The following KIF16B variants were observed in gnomAD, a reference collection of about 807,000 sequenced individuals.
KIF16B encodes the protein kinesin-like protein KIF16B.
In KIF16B, 98 loss-of-function variants were observed where a neutral mutation model predicts 156.3. That is an observed-to-expected ratio of 0.63 (90% CI 0.53 to 0.74). KIF16B has a LOEUF of 0.74. Ranked by LOEUF, KIF16B falls within the 30% of genes least tolerant of loss-of-function variation. The pLI, the probability that KIF16B is intolerant of heterozygous loss-of-function variation, is 0.00. For synonymous variants in KIF16B, 564 were observed against 583.7 expected (o/e 0.97, Z 0.49); for missense variants, 1,421 against 1,606.5 (o/e 0.88, Z 1.97).
chr20:16,278,160 G>A (rs954742082), intron 25 of KIF16B, among the ~76,000 whole-genome samples: 9 of 152,180 alleles, frequency 5.9e-5, no homozygotes, highest in Non-Finnish European at 8.8e-5. Context: ...AGTGATCATG[G>A]GAAAGAGAAG....
intron 12 of KIF16B, among the ~76,000 whole-genome samples, chr20:16,469,070 T>C (rs949576839): frequency 2.0e-5 from 3 of 151,956 alleles, no homozygotes; most frequent in African/African-American, 7.2e-5. Context: ...CTGGGCAACA[T>C]AGTGTGACCC....
intron 23 of KIF16B, among the ~76,000 whole-genome samples, chr20:16,344,187 A>ATATTCCAAATG (rs2064189593): frequency 6.6e-6 from 1 of 152,238 alleles, no homozygotes; most frequent in African/African-American, 2.4e-5. Flanking sequence ...ATGAATCTGT[A>ATATTCCAAATG]TAGTAACAAG....
intron 25 of KIF16B, among the ~76,000 whole-genome samples, chr20:16,310,591 A>C (rs1170002695): frequency 6.6e-6 from 1 of 152,150 alleles, no homozygotes; most frequent in Admixed American, 6.5e-5. Context: ...ATCATTCTCC[A>C]TGTTTCCATT....
chr20:16,569,581 G>C (rs766224351), intron 1 of KIF16B, among the ~76,000 whole-genome samples: 2 of 152,190 alleles, frequency 1.3e-5, no homozygotes, highest in African/African-American at 2.4e-5. Context: ...TAGAAACTCA[G>C]TCAAACTCAA....
intron 12 of KIF16B, among the ~76,000 whole-genome samples, chr20:16,463,458 C>A (rs970832775): frequency 6.6e-6 from 1 of 152,118 alleles, no homozygotes; most frequent in African/African-American, 2.4e-5. Flanking sequence ...TTTGTTTGAA[C>A]CGAAGAGTGA....
At chr20:16,514,588 A>G (rs866461768) in intron 4 of KIF16B, among the ~76,000 whole-genome samples, 27,749 of 137,584 alleles carry the variant, frequency 0.2, 2,711 homozygotes, top group East Asian at 0.32. Flanking sequence ...ATAAGAAAAA[A>G]AAAAAAAAAA....
intron 1 of KIF16B, among the ~76,000 whole-genome samples, chr20:16,546,194 C>T (rs1244475743): frequency 6.6e-6 from 1 of 152,164 alleles, no homozygotes; most frequent in African/African-American, 2.4e-5. Context: ...AATCCTGAGT[C>T]TTAGTAGCTT....
rs111858334 is a variant in KIF16B, at chr20:16,430,293, C to G, written c.1303-311G>C. ...AAGTAAACTTTCTCACTCTTCAGAG[C>G]CTTTATGCCATTTAATATCAAGATG... On this transcript the variant is annotated intron_variant, in intron 12 of 25. Coordinates refer to ENST00000354981, the MANE Select transcript of KIF16B (RefSeq NM_024704.5). Among the ~76,000 whole-genome samples the G allele has an allele frequency of 5.3e-5, 8 of 152,120 alleles. 1 individual carries two copies. Among genetic ancestry groups the G allele is most frequent in the African/African-American group, 1.9e-4 (8 of 41,408 alleles).
intron 12 of KIF16B, among the ~76,000 whole-genome samples, chr20:16,450,284 T>C (rs2067044475): frequency 6.6e-6 from 1 of 152,178 alleles, no homozygotes; most frequent in South Asian, 2.1e-4. Context: ...TTATGCAACT[T>C]GGGGCTGGAC....
intron 25 of KIF16B, among the ~76,000 whole-genome samples, chr20:16,308,287 A>G (rs1302344149): frequency 6.6e-6 from 1 of 152,230 alleles, no homozygotes; most frequent in Non-Finnish European, 1.5e-5. Context: ...TTGTGTTATT[A>G]ACTAGTTTCT....
chr20:16,492,167 ATGAC>A (rs1476044311), intron 12 of KIF16B, among the ~76,000 whole-genome samples: 1 of 152,336 alleles, frequency 6.6e-6, no homozygotes, highest in South Asian at 2.1e-4. Context: ...TACTGGAACA[ATGAC>A]TGACTGATGT....
chr20:16,508,243 A>G (rs2068847710), intron 6 of KIF16B, 143 bp from the exon 7 acceptor site: 3 of 918,956 alleles, frequency 3.3e-6, no homozygotes, highest in South Asian at 3.3e-5. Context: ...GGGTGGTGGT[A>G]TGTAATGCAG....
At chr20:16,565,165 G>C (rs543149472) in intron 1 of KIF16B, among the ~76,000 whole-genome samples, 4 of 152,190 alleles carry the variant, frequency 2.6e-5, no homozygotes, top group Non-Finnish European at 5.9e-5. Context: ...GTTCTCAAAT[G>C]TTGTGGCCTC....
intron 2 of KIF16B, among the ~76,000 whole-genome samples, chr20:16,526,665 A>C (rs1162483761): frequency 6.6e-6 from 1 of 152,146 alleles, no homozygotes; most frequent in East Asian, 1.9e-4. Context: ...CTCCATGGAG[A>C]AGTAATTTCT....
At chr20:16,332,274 G>A (rs1219111125) in intron 24 of KIF16B, among the ~76,000 whole-genome samples, 1 of 152,086 alleles carries the variant, frequency 6.6e-6, no homozygotes, top group Admixed American at 6.6e-5. Flanking sequence ...AAACAAGGAG[G>A]GTAACAGCCC....
At position 16,373,380 on chromosome 20, in the gene KIF16B, G is replaced by A. The variant is rs112338980; in HGVS notation, c.3350+877C>T. On this transcript the variant is annotated intron_variant, in intron 20 of 25. Coordinates refer to ENST00000354981, the MANE Select transcript of KIF16B (RefSeq NM_024704.5). ...TAATATCTAGGGTTCAAGACTGTCCGATTTCAAATGCTCCCATGTTTAAAT... is the reference window on the plus strand; with the variant it reads ...TAATATCTAGGGTTCAAGACTGTCCAATTTCAAATGCTCCCATGTTTAAAT... 8.1e-3 allele frequency among the ~76,000 whole-genome samples: 1,239 copies of A among 152,244 alleles called. 27 individuals carry two copies. The highest frequency in any genetic ancestry group is 0.029 in the African/African-American group (1,194 of 41,526).
chr20:16,446,939 T>TCAC (rs2066947465), intron 12 of KIF16B, among the ~76,000 whole-genome samples: 1 of 152,194 alleles, frequency 6.6e-6, no homozygotes, highest in Non-Finnish European at 1.5e-5. Flanking sequence ...TCACCCATAT[T>TCAC]CACCAACTCT....
intron 25 of KIF16B, among the ~76,000 whole-genome samples, chr20:16,275,037 G>A (rs1164546494): frequency 6.6e-6 from 1 of 151,668 alleles, no homozygotes. Flanking sequence ...AAGTAAAACT[G>A]GTGCATGATA....
intron 22 of KIF16B, chr20:16,368,060 C>G: frequency 7.3e-7 from 1 of 1,363,660 alleles, no homozygotes; most frequent in Non-Finnish European, 9.4e-7. Flanking sequence ...GTGCAGGCAG[C>G]AACAGCAAGC....
Sources: allele counts gnomAD v4.1 joint callset (sites outside exome capture counted in the v4.1 genomes callset), GRCh38; gene constraint gnomAD v4.1.1; transcripts MANE v1.5; gene names NCBI Gene and HGNC (gene_info 2026-07-23, HGNC 2026-07-21).